CSMD1: variants seen among roughly 807,000 people sequenced by gnomAD.
The protein encoded by CSMD1 is CUB and Sushi multiple domains 1.
Under a neutral mutation model 417.5 loss-of-function variants are expected in CSMD1, and 213 were observed. The observed-to-expected ratio is 0.51, with a 90% CI of 0.46 to 0.57. The LOEUF is 0.57. CSMD1 is among the 20% of genes least tolerant of loss of function. The pLI, the probability that CSMD1 is intolerant of heterozygous loss-of-function variation, is 0.00. For synonymous variants in CSMD1, 2,862 were observed against 1,736.8 expected, an observed-to-expected ratio of 1.65 and a Z score of -16.11; for missense variants, 6,923 against 4,529.7, an observed-to-expected ratio of 1.53 and a Z score of -15.17.
intron 59 of CSMD1, among the ~76,000 whole-genome samples, chr8:2,965,058 C>A (rs759176165): frequency 5.3e-5 from 8 of 152,158 alleles, no homozygotes; most frequent in Non-Finnish European, 8.8e-5. Flanking sequence ...CCTTCCTCTG[C>A]ACCAGCTGAT....
At chr8:4,399,433 G>T (rs1432663662) in intron 3 of CSMD1, among the ~76,000 whole-genome samples, 1 of 152,190 alleles carries the variant, frequency 6.6e-6, no homozygotes, top group East Asian at 1.9e-4. Context: ...GTGAGAAATT[G>T]ATGAGCCTTT....
chr8:3,930,934 A>G (rs1340062218), intron 5 of CSMD1, among the ~76,000 whole-genome samples: 1 of 150,634 alleles, frequency 6.6e-6, no homozygotes, highest in Non-Finnish European at 1.5e-5. Context: ...AATTGTTGCT[A>G]GGATTCTTAA....
chr8:3,783,207 G>A (rs984452914), intron 5 of CSMD1, among the ~76,000 whole-genome samples: 1 of 152,140 alleles, frequency 6.6e-6, no homozygotes, highest in Admixed American at 6.5e-5. Flanking sequence ...ATTCTTTCTT[G>A]TTCCTGGATA....
intron 38 of CSMD1, among the ~76,000 whole-genome samples, chr8:3,161,887 G>A (rs1034259170): frequency 6.6e-6 from 1 of 152,116 alleles, no homozygotes; most frequent in Non-Finnish European, 1.5e-5. Flanking sequence ...TTTGCCCCTA[G>A]AATGCTCTGT....
At position 4,457,441 on chromosome 8, in the gene CSMD1, A is replaced by T. The variant is rs865902982; in HGVS notation, c.303-37376T>A. Among the ~76,000 whole-genome samples the T allele has an allele frequency of 1.4e-4, 22 of 152,234 alleles. 1 individual carries two copies. The highest frequency in any genetic ancestry group is 3.4e-3 in the Middle Eastern group (1 of 294). On this transcript the variant is annotated intron_variant, in intron 2 of 69. Coordinates refer to ENST00000635120, the MANE Select transcript of CSMD1 (RefSeq NM_033225.6). The stretch of plus-strand genomic sequence containing the variant: ...GGGGAGTGACAGGGAAAAAACAAAC[A>T]TAATGCATTGAAAAGTCTTGCTTAT...
intron 4 of CSMD1, among the ~76,000 whole-genome samples, chr8:4,006,626 T>C (rs1244294764): frequency 6.6e-6 from 1 of 152,166 alleles, no homozygotes; most frequent in Non-Finnish European, 1.5e-5. Context: ...GTCAAATCCA[T>C]AGGTAAGCAA....
At chr8:4,856,124 A>G (rs1299136452) in intron 1 of CSMD1, among the ~76,000 whole-genome samples, 1 of 151,818 alleles carries the variant, frequency 6.6e-6, no homozygotes, top group South Asian at 2.1e-4. Context: ...ATTCTTAAAG[A>G]CAAGAATTTT....
chr8:2,966,627 T>C lies in CSMD1; in HGVS notation c.9043A>G (p.Met3015Val). The C allele has an allele frequency of 6.2e-7, 1 of 1,613,788 alleles. No homozygotes were observed. The highest frequency in any genetic ancestry group is 8.5e-7 in the Non-Finnish European group (1 of 1,179,770). ...CWEGYKTSGL[M>V]TRHCTANGTW... ...CCATTGGCTGTGCAATGCCGTGTCA[T>C]GAGCCCTGAGGTCTTGTAGCCTTCC... Residue 3015 changes from methionine (M) to valine (V), a missense_variant, in exon 58 of 70, where the codon ATG (methionine) becomes GTG (valine). Transcript: ENST00000635120.
chr8:4,225,472 A>G lies in CSMD1; in HGVS notation c.416-193373T>C, dbSNP rs574493636. On this transcript the variant is annotated intron_variant, in intron 3 of 69. Coordinates refer to ENST00000635120, the MANE Select transcript of CSMD1 (RefSeq NM_033225.6). ...TTTAGAAATAACAATAAAATACAAA[A>G]TGCTTCAAGTTTATATAAAGCAACT... Among the ~76,000 whole-genome samples the G allele has an allele frequency of 3.3e-5, 5 of 150,678 alleles. No individual in the cohort carries two copies. The South Asian group carries it at 1.1e-3, about 32-fold the overall frequency.
At chr8:3,169,503 G>A (rs1820449173) in intron 37 of CSMD1, among the ~76,000 whole-genome samples, 2 of 152,080 alleles carry the variant, frequency 1.3e-5, no homozygotes, top group South Asian at 4.1e-4. Flanking sequence ...AAATGTGGTT[G>A]CCTAGGGCTA....
chr8:4,955,661 G>A (rs1045574028), intron 1 of CSMD1, among the ~76,000 whole-genome samples: 1 of 151,940 alleles, frequency 6.6e-6, no homozygotes, highest in African/African-American at 2.4e-5. Flanking sequence ...TCCCCATATT[G>A]GCCAGGCTGG....
At chr8:3,200,563 A>AT (rs1351574602) in intron 32 of CSMD1, among the ~76,000 whole-genome samples, 1 of 137,200 alleles carries the variant, frequency 7.3e-6, no homozygotes, top group African/African-American at 2.6e-5. Context: ...TGTCTCAAAA[A>AT]AAAATAATAA....
intron 3 of CSMD1, among the ~76,000 whole-genome samples, chr8:4,314,467 T>C (rs748485251): frequency 6.6e-6 from 1 of 152,194 alleles, no homozygotes; most frequent in Non-Finnish European, 1.5e-5. Flanking sequence ...CAATTTCAAT[T>C]GCATCCGTTC....
At chr8:4,210,559 G>T (rs1006854667) in intron 3 of CSMD1, among the ~76,000 whole-genome samples, 1 of 151,922 alleles carries the variant, frequency 6.6e-6, no homozygotes, top group Non-Finnish European at 1.5e-5. Flanking sequence ...AGCACAAATA[G>T]GAAACACAAT....
intron 1 of CSMD1, among the ~76,000 whole-genome samples, chr8:4,868,277 A>G (rs1409628445): frequency 1.3e-5 from 2 of 152,228 alleles, no homozygotes; most frequent in South Asian, 2.1e-4. Context: ...ACTTTCACCC[A>G]GGCTGGAGAG....
intron 1 of CSMD1, among the ~76,000 whole-genome samples, chr8:4,720,909 C>G (rs1809011243): frequency 6.6e-6 from 1 of 152,140 alleles, no homozygotes. Flanking sequence ...TGACCTTGAT[C>G]AAACATCTTA....
chr8:3,731,442 G>T (rs371069922), intron 6 of CSMD1, among the ~76,000 whole-genome samples: 1 of 152,158 alleles, frequency 6.6e-6, no homozygotes, highest in South Asian at 2.1e-4. Context: ...TCATGATAAT[G>T]ACTACCAGTT....
intron 49 of CSMD1, among the ~76,000 whole-genome samples, chr8:3,067,104 T>C (rs550430503): frequency 2.4e-4 from 36 of 151,958 alleles, no homozygotes; most frequent in Non-Finnish European, 4.6e-4. Flanking sequence ...AAGAGGTCAA[T>C]ACAATCAGTC....
chr8:4,462,011 G>A (rs1799865849), intron 2 of CSMD1, among the ~76,000 whole-genome samples: 1 of 152,002 alleles, frequency 6.6e-6, no homozygotes, highest in Non-Finnish European at 1.5e-5. Context: ...AAATTGCTGG[G>A]ATTACAGGCT....
Sources: gnomAD v4.1 joint callset for allele counts (sites outside exome capture counted in the v4.1 genomes callset) on GRCh38, gnomAD v4.1.1 for gene constraint, MANE v1.5 for transcripts, NCBI Gene and HGNC (gene_info 2026-07-23, HGNC 2026-07-21) for gene names.